The following TENM4 variants were observed in gnomAD, a reference collection of about 807,000 sequenced individuals.
The protein encoded by TENM4 is teneurin transmembrane protein 4.
Under a neutral mutation model 243.3 loss-of-function variants are expected in TENM4, and 82 were observed. The ratio of observed to expected loss-of-function variants is 0.34; its 90% CI spans 0.28 to 0.40. TENM4 has a LOEUF of 0.40. TENM4 is among the 10% of genes least tolerant of loss of function. The pLI, the probability that TENM4 is intolerant of heterozygous loss-of-function variation, is 1.00. For missense variants in TENM4, 3,138 were observed against 3,673.3 expected (o/e 0.85, Z 3.77); for synonymous variants, 1,412 against 1,456.3 (o/e 0.97, Z 0.69).
rs1858646965 is a variant in TENM4, at chr11:79,011,696, CA to C, written c.493+53041del. On this transcript the variant is annotated intron_variant, in intron 6 of 33. Coordinates refer to ENST00000278550, the MANE Select transcript of TENM4 (RefSeq NM_001098816.3). ...CATGGAGTTGGCTTATGCCTGCTGC[CA>C]TCTTTTCCCCACTGCCCCACCTGCT... Among the ~76,000 whole-genome samples the C allele has an allele frequency of 2.6e-5, 4 of 152,352 alleles. No individual in the cohort carries two copies. The South Asian group carries it at 8.3e-4, about 32-fold the overall frequency.
intron 12 of TENM4, among the ~76,000 whole-genome samples, chr11:78,819,909 C>A (rs896616994): frequency 1.3e-5 from 2 of 152,166 alleles, no homozygotes; most frequent in Non-Finnish European, 2.9e-5. Flanking sequence ...CTTCTGACTC[C>A]TCCTGGCTTC....
chr11:78,701,007 G>C (rs141384575), intron 28 of TENM4, among the ~76,000 whole-genome samples: 45 of 152,218 alleles, frequency 3.0e-4, no homozygotes, highest in Non-Finnish European at 5.7e-4. Context: ...TGAGAAGGGA[G>C]GTATGCAATA....
intron 6 of TENM4, among the ~76,000 whole-genome samples, chr11:79,027,308 GAGTCTTAGAGATCCT>G (rs982405139): frequency 2.0e-5 from 3 of 152,316 alleles, no homozygotes; most frequent in African/African-American, 7.2e-5. Flanking sequence ...TGACCTGGTA[GAGTCTTAGAGATCCT>G]AAGTCCTGAT....
At chr11:78,960,590 C>T (rs1303997719) in intron 6 of TENM4, among the ~76,000 whole-genome samples, 1 of 152,146 alleles carries the variant, frequency 6.6e-6, no homozygotes, top group Non-Finnish European at 1.5e-5. Flanking sequence ...AGTTCTTTGT[C>T]CATGTGTTCC....
At chr11:78,911,908 G>T (rs558572136) in intron 6 of TENM4, among the ~76,000 whole-genome samples, 57 of 152,296 alleles carry the variant, frequency 3.7e-4, no homozygotes, top group African/African-American at 1.3e-3. Context: ...CTCAGCTTCC[G>T]CTCTGAGTCT....
At chr11:79,177,170 A>G (rs1478830705) in intron 3 of TENM4, among the ~76,000 whole-genome samples, 31 of 152,014 alleles carry the variant, frequency 2.0e-4, no homozygotes, top group Admixed American at 2.0e-3. Flanking sequence ...CTTTTCCTCC[A>G]AAATAAAATT....
At chr11:79,101,045 A>G (rs1861218304) in intron 4 of TENM4, among the ~76,000 whole-genome samples, 1 of 145,554 alleles carries the variant, frequency 6.9e-6, no homozygotes, top group Non-Finnish European at 1.5e-5. Flanking sequence ...TTATAAAGAA[A>G]AGCAAGAGAA....
At chr11:79,139,625 G>GAAA (rs1862226060) in intron 4 of TENM4, among the ~76,000 whole-genome samples, 1 of 29,314 alleles carries the variant, frequency 3.4e-5, no homozygotes, top group East Asian at 6.0e-4. Context: ...ATTTATATAA[G>GAAA]TATATAAAAT....
At chr11:78,995,216 C>T (rs1475113084) in intron 6 of TENM4, among the ~76,000 whole-genome samples, 1 of 152,138 alleles carries the variant, frequency 6.6e-6, no homozygotes, top group Non-Finnish European at 1.5e-5. Flanking sequence ...ACACACCGTA[C>T]CGGCTGAAAA....
chr11:78,708,596 C>T, intron 26 of TENM4, 81 bp from the exon 27 acceptor site: 1 of 1,484,230 alleles, frequency 6.7e-7, no homozygotes, highest in Non-Finnish European at 9.1e-7. Flanking sequence ...TGCTAACTGA[C>T]AGAGCACCTC....
chr11:78,842,860 G>A (rs554765706), intron 12 of TENM4, among the ~76,000 whole-genome samples: 6 of 152,312 alleles, frequency 3.9e-5, no homozygotes, highest in African/African-American at 9.6e-5. Context: ...TGCTTCATAT[G>A]CCTATTGTAA....
At chr11:79,324,038 C>T (rs1000451574) in intron 1 of TENM4, among the ~76,000 whole-genome samples, 3 of 152,046 alleles carry the variant, frequency 2.0e-5, no homozygotes, top group African/African-American at 4.8e-5. Context: ...TGCTCAAGTC[C>T]GTTATATAAA....
chr11:78,871,285 G>GT (rs1859120711), intron 9 of TENM4, among the ~76,000 whole-genome samples: 1 of 152,180 alleles, frequency 6.6e-6, no homozygotes, highest in Non-Finnish European at 1.5e-5. Flanking sequence ...AAGAAGTGAC[G>GT]TGTTTTATGA....
rs1447952990 is a variant in TENM4 at position 78,738,483 on chromosome 11, G to C, written c.2844C>G (p.Leu948=). The change falls in exon 20 of 34, where the codon CTC becomes CTG. Residue 948 remains leucine, a synonymous_variant. Coordinates refer to ENST00000278550, the MANE Select transcript of TENM4 (RefSeq NM_001098816.3). ...CTTGCCTGCTGATTGTATATCCAAAGAGAGGGTTATTGACAAAACTGATGT... is the reference window on the plus strand; with the variant it reads ...CTTGCCTGCTGATTGTATATCCAAACAGAGGGTTATTGACAAAACTGATGT... The part of the protein sequence containing the change: ...GVNISFVNNP[L]FGYTISRQDG... 6.2e-7 allele frequency: 1 copy of C among 1,613,904 alleles called. No individual in the cohort carries two copies. Among genetic ancestry groups the C allele is most frequent in the Admixed American group, 1.7e-5 (1 of 60,014 alleles).
intron 6 of TENM4, among the ~76,000 whole-genome samples, chr11:78,951,665 G>C (rs1857111305): frequency 6.6e-6 from 1 of 152,156 alleles, no homozygotes; most frequent in Admixed American, 6.5e-5. Context: ...GGAGGAGAGA[G>C]AGCTCTTTGG....
rs151295422 is a variant in TENM4 at position 78,741,019 on chromosome 11, G to A, written c.2757-2449C>T. Among the ~76,000 whole-genome samples the A allele has an allele frequency of 2.4e-3, 369 of 152,310 alleles. 1 individual carries two copies. Among genetic ancestry groups the A allele is most frequent in the African/African-American group, 8.4e-3 (351 of 41,576 alleles). ...GCCATAGAGGCCTCTTGCCAACACA[G>A]GCATTTGGCTCAGGAATTAAATCCT... On this transcript the variant is annotated intron_variant, in intron 19 of 33. Transcript: ENST00000278550.
intron 1 of TENM4, among the ~76,000 whole-genome samples, chr11:79,355,399 G>C (rs1565312416): frequency 6.6e-6 from 1 of 152,268 alleles, no homozygotes; most frequent in East Asian, 1.9e-4. Flanking sequence ...CAGCCGTGGT[G>C]GTGGGCACCT....
At chr11:78,748,147 T>C (rs189083569) in intron 19 of TENM4, among the ~76,000 whole-genome samples, 29 of 152,372 alleles carry the variant, frequency 1.9e-4, no homozygotes, top group Non-Finnish European at 3.1e-4. Flanking sequence ...AACCTGTATG[T>C]ATACTAATGC....
chr11:78,981,107 G>T (rs940000623), intron 6 of TENM4, among the ~76,000 whole-genome samples: 2 of 152,054 alleles, frequency 1.3e-5, no homozygotes, highest in Non-Finnish European at 2.9e-5. Flanking sequence ...GAAGTATCTG[G>T]CCTATTTTTA....
Sources: allele counts gnomAD v4.1 joint callset (sites outside exome capture counted in the v4.1 genomes callset), GRCh38; gene constraint gnomAD v4.1.1; transcripts MANE v1.5; gene names NCBI Gene and HGNC (gene_info 2026-07-23, HGNC 2026-07-21).